Variants in IAPP observed in about 807,000 individuals in gnomAD.
The protein encoded by IAPP is islet amyloid polypeptide.
Under a neutral mutation model 2.9 loss-of-function variants are expected in IAPP, and 4 were observed. That is an observed-to-expected ratio of 1.39 (90% CI 0.69 to 3.19). IAPP has a LOEUF of 3.19. Ranked by LOEUF, IAPP falls within the 30% of genes most tolerant of loss-of-function variation. The pLI is 0.01. For synonymous variants in IAPP, 40 were observed against 42.1 expected (o/e 0.95, Z 0.19); for missense variants, 114 against 105.3 (o/e 1.08, Z -0.36).
upstream of IAPP, among the ~76,000 whole-genome samples, chr12:21,370,430 C>T (rs991173879): frequency 6.6e-6 from 1 of 151,066 alleles, no homozygotes; most frequent in Non-Finnish European, 1.5e-5. Context: ...CTGCACCCAT[C>T]AACTCGTCAT....
At chr12:21,369,260 T>C (rs941519496), upstream of IAPP, among the ~76,000 whole-genome samples, 3 of 152,230 alleles carry the variant, frequency 2.0e-5, no homozygotes, top group African/African-American at 7.2e-5. Context: ...CCTTTATTCA[T>C]GTCATTGTCA....
At chr12:21,370,113 G>A (rs551037656), upstream of IAPP, among the ~76,000 whole-genome samples, 1 of 152,100 alleles carries the variant, frequency 6.6e-6, no homozygotes, top group African/African-American at 2.4e-5. Context: ...AAATATCCTG[G>A]ATCAGACAGA....
At position 21,373,669 on chromosome 12, in the gene IAPP, A is replaced by G. The variant is rs182577227; in HGVS notation, c.80+238A>G. 169 of 701,288 alleles carry G rather than the reference A, an allele frequency of 2.4e-4. No homozygotes were observed. In the African/African-American group the frequency reaches 2.7e-3, roughly 11 times the overall value. 43.4% of individuals were successfully genotyped at this position (701,288 alleles called of 1,614,324 possible). On this transcript the variant is annotated intron_variant, in intron 2 of 2. Coordinates refer to ENST00000240652, the MANE Select transcript of IAPP (RefSeq NM_000415.3). ...AGGAATGGATAATTCCAGTTTTGTC[A>G]AGAAATATACTCTTGGAACTTAGAG...
chr12:21,363,049 T>C (rs1393006302), intron 1 of IAPP, among the ~76,000 whole-genome samples: 6 of 152,178 alleles, frequency 3.9e-5, no homozygotes, highest in African/African-American at 1.2e-4. Context: ...GCGGACCTAA[T>C]AGACATCTAC....
intron 1 of IAPP, among the ~76,000 whole-genome samples, chr12:21,357,211 A>G (rs781146600): frequency 2.6e-5 from 4 of 152,196 alleles, no homozygotes; most frequent in Non-Finnish European, 5.9e-5. Context: ...AGTAATTGTT[A>G]AGATGAAGTC....
At chr12:21,355,156 T>C (rs1373081885) in intron 1 of IAPP, 1 of 152,202 alleles carries the variant, frequency 6.6e-6, no homozygotes, top group African/African-American at 2.4e-5. Flanking sequence ...ATTTCCCGTG[T>C]TGGCAATTTT....
At chr12:21,356,093 T>C (rs927225242) in intron 1 of IAPP, among the ~76,000 whole-genome samples, 4 of 152,036 alleles carry the variant, frequency 2.6e-5, no homozygotes, top group Non-Finnish European at 5.9e-5. Context: ...AATTCAAGAA[T>C]CAGAATAAAT....
chr12:21,379,012 T>A lies in IAPP; in HGVS notation c.*586T>A, dbSNP rs1320649880. On this transcript the variant is annotated 3_prime_UTR_variant, in exon 3 of 3. Coordinates refer to ENST00000240652, the MANE Select transcript of IAPP (RefSeq NM_000415.3). ...ATCGCTTAAACCCAGGAGGCGGAGG[T>A]TGCAGTGAGCCGAGATTGCACCACT... 1 of 152,072 alleles carries A rather than the reference T, an allele frequency of 6.6e-6. No individual in the cohort carries two copies. The allele number at this position is 152,072 out of a possible 1,614,324, so 9.4% of individuals were successfully genotyped here.
upstream of IAPP, among the ~76,000 whole-genome samples, chr12:21,371,956 C>A (rs1049173416): frequency 6.6e-6 from 1 of 151,122 alleles, no homozygotes. Context: ...GAGCCGAGAT[C>A]GCACCCTTGT....
At chr12:21,371,957 G>A (rs1348021502), upstream of IAPP, among the ~76,000 whole-genome samples, 3 of 151,274 alleles carry the variant, frequency 2.0e-5, no homozygotes, top group Admixed American at 6.6e-5. Context: ...AGCCGAGATC[G>A]CACCCTTGTA....
intron 1 of IAPP, among the ~76,000 whole-genome samples, chr12:21,362,777 C>T (rs567087455): frequency 6.6e-6 from 1 of 152,166 alleles, no homozygotes; most frequent in African/African-American, 2.4e-5. Context: ...GACTTTAAAC[C>T]AATAAAGATC....
chr12:21,360,107 A>T (rs1484684822), intron 1 of IAPP, among the ~76,000 whole-genome samples: 2 of 152,164 alleles, frequency 1.3e-5, no homozygotes, highest in Non-Finnish European at 2.9e-5. Context: ...TAGGAACAAA[A>T]CACACAGCAG....
chr12:21,357,119 C>T (rs1938429969), intron 1 of IAPP, among the ~76,000 whole-genome samples: 1 of 152,140 alleles, frequency 6.6e-6, no homozygotes. Flanking sequence ...ATGGGTTGAA[C>T]TGTGTCCCTG....
At chr12:21,371,380 A>T (rs145042267), upstream of IAPP, among the ~76,000 whole-genome samples, 201 of 149,892 alleles carry the variant, frequency 1.3e-3, no homozygotes, top group African/African-American at 4.7e-3. Flanking sequence ...ACGGAAATGC[A>T]TTATCCTTCC....
At chr12:21,359,888 A>G (rs1465865766) in intron 1 of IAPP, among the ~76,000 whole-genome samples, 1 of 152,208 alleles carries the variant, frequency 6.6e-6, no homozygotes, top group African/African-American at 2.4e-5. Flanking sequence ...ACTAGAAACA[A>G]CCCGAAGTCC....
chr12:21,360,151 G>A (rs1015959642), intron 1 of IAPP, among the ~76,000 whole-genome samples: 1 of 152,080 alleles, frequency 6.6e-6, no homozygotes, highest in African/African-American at 2.4e-5. Flanking sequence ...GGAGTAGAAG[G>A]AAATGAGGAA....
rs1362810453 is a variant in IAPP at position 21,362,171 on chromosome 12, A to T, written c.-16+7158A>T. Among the ~76,000 whole-genome samples the T allele has an allele frequency of 3.3e-5, 5 of 152,304 alleles. No individual in the cohort carries two copies. In the East Asian group the frequency reaches 9.7e-4, roughly 29 times the overall value. On this transcript the variant is annotated intron_variant, in intron 1 of 2. Transcript: ENST00000539393. ...AAAGGTCAGGTTACCCACAAAGGGA[A>T]GCCCATTAGACTAACAGTGAGCGGG...
chr12:21,356,851 C>G (rs1938405845), intron 1 of IAPP, among the ~76,000 whole-genome samples: 1 of 152,036 alleles, frequency 6.6e-6, no homozygotes, highest in Admixed American at 6.6e-5. Context: ...GTATGGAGAT[C>G]TATAGAGTAG....
chr12:21,375,751 A>C (rs567934218), intron 2 of IAPP, among the ~76,000 whole-genome samples: 1 of 152,352 alleles, frequency 6.6e-6, no homozygotes, highest in African/African-American at 2.4e-5. Flanking sequence ...ACAATTTAAA[A>C]GAGAGGCAAT....
Sources: allele counts gnomAD v4.1 joint callset (sites outside exome capture counted in the v4.1 genomes callset), GRCh38; gene constraint gnomAD v4.1.1; transcripts MANE v1.5; gene names NCBI Gene and HGNC (gene_info 2026-07-23, HGNC 2026-07-21).